The following ANKRD11 variants were observed in gnomAD, a reference collection of about 807,000 sequenced individuals.
ANKRD11 encodes ankyrin repeat domain 11, also known as ankyrin repeat domain-containing protein 11.
Under a neutral mutation model 195.7 loss-of-function variants are expected in ANKRD11, and 17 were observed. The observed-to-expected ratio is 0.09, with a 90% CI of 0.06 to 0.13. The LOEUF is 0.13. ANKRD11 is among the 10% of genes least tolerant of loss of function. The pLI, the probability that ANKRD11 is intolerant of heterozygous loss-of-function variation, is 1.00. For synonymous variants in ANKRD11, 1,953 were observed against 1,528.1 expected (o/e 1.28, Z -6.49); for missense variants, 3,735 against 3,566.1 (o/e 1.05, Z -1.21).
intron 2 of ANKRD11, among the ~76,000 whole-genome samples, chr16:89,391,256 A>C (rs929981482): frequency 2.0e-5 from 3 of 149,638 alleles, no homozygotes; most frequent in African/African-American, 7.4e-5. Flanking sequence ...AAATGATTGA[A>C]CCCAAGGAGG....
intron 1 of ANKRD11, among the ~76,000 whole-genome samples, chr16:89,454,681 G>A (rs868330304): frequency 0.016 from 2,123 of 136,414 alleles, 42 homozygotes; most frequent in African/African-American, 0.058. Context: ...GCTCCCCTGG[G>A]TGCTTCCAGG....
rs976986314 is a variant in ANKRD11, at chr16:89,313,597, T to C, written c.87+3336A>G. On this transcript the variant is annotated intron_variant, in intron 3 of 12. Coordinates refer to ENST00000301030, the MANE Select transcript of ANKRD11 (RefSeq NM_013275.6). Reference sequence around the variant, plus strand: ...CGATTCTTTTGGAAAAATCTAAAAATATATTGTTTTTGATAACATAAAGCT... The same window carrying C: ...CGATTCTTTTGGAAAAATCTAAAAACATATTGTTTTTGATAACATAAAGCT... 2.3e-6 allele frequency: 3 copies of C among 1,288,752 alleles called. No homozygotes were observed. In the African/African-American group the frequency reaches 4.6e-5, roughly 20 times the overall value. 79.8% of individuals were successfully genotyped at this position (1,288,752 alleles called of 1,614,324 possible). A position where few individuals can be genotyped will look rare whatever the true frequency, so the allele number is the denominator to read the frequency against.
chr16:89,410,458 C>A (rs981838051), intron 2 of ANKRD11, among the ~76,000 whole-genome samples: 2 of 152,158 alleles, frequency 1.3e-5, no homozygotes, highest in Non-Finnish European at 1.5e-5. Flanking sequence ...AGCCCTCAGA[C>A]CAGACTAAGA....
At position 89,337,874 on chromosome 16, in the gene ANKRD11, C is replaced by T. The variant is rs138134670; in HGVS notation, c.-59-20796G>A. Among the ~76,000 whole-genome samples the T allele has an allele frequency of 4.5e-3, 683 of 152,322 alleles. 7 individuals are homozygous for T. The highest frequency in any genetic ancestry group is 0.015 in the African/African-American group (630 of 41,570). On this transcript the variant is annotated intron_variant, in intron 2 of 12. Coordinates refer to ENST00000301030, the MANE Select transcript of ANKRD11 (RefSeq NM_013275.6). The stretch of plus-strand genomic sequence containing the variant: ...TCCCTCTGTTCTCTAATGGTGTGGT[C>T]TTCAGTCTACTGTGTGTGGAATCCC...
chr16:89,353,067 C>T (rs909885236), intron 2 of ANKRD11, among the ~76,000 whole-genome samples: 10 of 152,166 alleles, frequency 6.6e-5, no homozygotes, highest in East Asian at 1.9e-4. Flanking sequence ...GGGCTGGGCG[C>T]GGTGGCTCAC....
At chr16:89,375,316 C>CGGTA (rs928729427) in intron 2 of ANKRD11, among the ~76,000 whole-genome samples, 2 of 152,188 alleles carry the variant, frequency 1.3e-5, no homozygotes, top group African/African-American at 4.8e-5. Context: ...AAGCTAGTTG[C>CGGTA]GGTAGCATGG....
intron 7 of ANKRD11, chr16:89,286,894 C>T (rs1159830219): frequency 4.1e-5 from 53 of 1,289,036 alleles, no homozygotes; most frequent in Admixed American, 1.8e-4. Context: ...CTGAGATTAG[C>T]GCATTCAAAG....
Position 89,283,773 on chromosome 16 carries a change from C to T in ANKRD11, c.2769G>A (p.Gln923=). 4 of 1,613,540 alleles carry T rather than the reference C, an allele frequency of 2.5e-6. No individual in the cohort carries two copies. The African/African-American group carries it at 4.0e-5, about 16-fold the overall frequency. Residue 923 remains glutamine (Q), a synonymous_variant, in exon 9 of 13, where the codon CAG becomes CAA. Coordinates refer to ENST00000301030, the MANE Select transcript of ANKRD11 (RefSeq NM_013275.6). The surrounding 1 kb of genome is among the most constrained non-coding windows in gnomAD (Gnocchi z 4.3). ...CAGGGACACTTTTATGCTTTTCGGT[C>T]TGCTCTTTCCTCTTCTCAGAGTTTT... ...LDKNSEKRKE[Q]TEKHKSVPGY...
intron 1 of ANKRD11, among the ~76,000 whole-genome samples, chr16:89,429,503 G>C (rs1413284869): frequency 4.4e-5 from 3 of 67,946 alleles, no homozygotes; most frequent in Admixed American, 1.6e-4. Flanking sequence ...CTAGTACACA[G>C]CAGGGACTCT....
At chr16:89,436,841 A>G (rs1334234483) in intron 1 of ANKRD11, among the ~76,000 whole-genome samples, 1 of 152,260 alleles carries the variant, frequency 6.6e-6, no homozygotes, top group East Asian at 1.9e-4. Context: ...AAGGTTGGAC[A>G]ATGGTATTGC....
intron 2 of ANKRD11, among the ~76,000 whole-genome samples, chr16:89,414,757 C>T (rs1367881402): frequency 2.6e-5 from 4 of 152,126 alleles, no homozygotes; most frequent in South Asian, 4.1e-4. Context: ...AGGGCAGGAC[C>T]AGCCTAGAAT....
intron 2 of ANKRD11, among the ~76,000 whole-genome samples, chr16:89,383,652 C>T (rs1040281882): frequency 1.3e-5 from 2 of 151,892 alleles, no homozygotes. Context: ...CAGCAGACGT[C>T]GAGCCCCTAC....
intron 1 of ANKRD11, among the ~76,000 whole-genome samples, chr16:89,436,485 A>C (rs1472210019): frequency 6.6e-6 from 1 of 151,996 alleles, no homozygotes; most frequent in Non-Finnish European, 1.5e-5. Context: ...AGCAGAAAAG[A>C]CCACTGTCTC....
intron 1 of ANKRD11, among the ~76,000 whole-genome samples, chr16:89,438,841 TA>T (rs903888300): frequency 1.3e-5 from 2 of 151,964 alleles, no homozygotes; most frequent in African/African-American, 4.8e-5. Flanking sequence ...CGCATCTCTA[TA>T]AAAAATTTTA....
At chr16:89,448,488 T>C (rs993012102) in intron 1 of ANKRD11, among the ~76,000 whole-genome samples, 1 of 152,188 alleles carries the variant, frequency 6.6e-6, no homozygotes, top group East Asian at 1.9e-4. Flanking sequence ...CTACAGCACC[T>C]AAACACAAAT....
chr16:89,384,634 G>A (rs2040816713), intron 2 of ANKRD11, among the ~76,000 whole-genome samples: 1 of 152,156 alleles, frequency 6.6e-6, no homozygotes, highest in African/African-American at 2.4e-5. Context: ...CCTCTGCACT[G>A]GCAGTGGCAC....
At chr16:89,289,018 T>C in intron 6 of ANKRD11, 1 of 371,410 alleles carries the variant, frequency 2.7e-6, no homozygotes, top group South Asian at 2.5e-5. Flanking sequence ...TATGTGCCTT[T>C]GCAAAACACG....
intron 2 of ANKRD11, among the ~76,000 whole-genome samples, chr16:89,393,453 A>G (rs1258862849): frequency 4.1e-5 from 6 of 145,680 alleles, no homozygotes; most frequent in Non-Finnish European, 6.0e-5. Context: ...TCCCCCATGT[A>G]GCTGGGATTA....
Position 89,283,126 on chromosome 16 carries a change from T to C in ANKRD11, c.3416A>G (p.Glu1139Gly), listed in dbSNP as rs1027916982. The C allele has an allele frequency of 1.2e-6, 2 of 1,613,998 alleles. No homozygotes were observed. The highest frequency in any genetic ancestry group is 3.3e-5 in the Admixed American group (2 of 60,024). ...SCMGSGFKMG[E>G]ASDLPRTDGL... The stretch of plus-strand genomic sequence containing the variant: ...GTCCGTCCTCGGCAAGTCGCTGGCC[T>C]CTCCCATCTTGAACCCGCTCCCCAT... The change falls in exon 9 of 13, where the codon GAG becomes GGG. Residue 1139 changes from glutamate to glycine, a missense_variant. By Grantham distance (98) the Glu-to-Gly change is moderately conservative. Transcript: ENST00000301030. This position sits in a 1 kb window ranked among gnomAD's most constrained non-coding sequence, Gnocchi z 4.3.
Sources: gnomAD v4.1 joint callset for allele counts (sites outside exome capture counted in the v4.1 genomes callset) on GRCh38, gnomAD v4.1.1 for gene constraint, Gnocchi (gnomAD v3.1) non-coding constraint, MANE v1.5 for transcripts, NCBI Gene and HGNC (gene_info 2026-07-23, HGNC 2026-07-21) for gene names.